ODAD4: variants seen among roughly 807,000 people sequenced by gnomAD.
The protein encoded by ODAD4 is outer dynein arm-docking complex subunit 4.
In ODAD4, 49 loss-of-function variants were observed where a neutral mutation model predicts 51.8. The ratio of observed to expected loss-of-function variants is 0.95; its 90% CI spans 0.75 to 1.20. The LOEUF (loss-of-function observed/expected upper bound fraction) is 1.20. ODAD4 is among the 50% of genes most tolerant of loss of function. The pLI is 0.00. For synonymous variants in ODAD4, 235 were observed against 221.3 expected (o/e 1.06, Z -0.55); for missense variants, 590 against 586.5 (o/e 1.01, Z -0.06).
chr17:41,952,225 G>A (rs782464073), intron 9 of ODAD4, among the ~76,000 whole-genome samples: 56 of 151,594 alleles, frequency 3.7e-4, no homozygotes, highest in Middle Eastern at 3.4e-3. Context: ...AAAATTAGCC[G>A]GGCGTGGTGG....
intron 7 of ODAD4, among the ~76,000 whole-genome samples, chr17:41,944,444 A>ACACACACACACACACACCC (rs1191101800): frequency 7.2e-4 from 14 of 19,554 alleles, no homozygotes; most frequent in South Asian, 4.2e-3. Flanking sequence ...ACACACACAC[A>ACACACACACACACACACCC]CCCCCCCGCA....
At position 41,938,690 on chromosome 17, in the gene ODAD4, G is replaced by A. The variant is rs782178400; in HGVS notation, c.759G>A (p.Lys253=). 6.2e-7 allele frequency: 1 copy of A among 1,613,970 alleles called. No homozygotes were observed. The highest frequency in any genetic ancestry group is 2.2e-5 in the East Asian group (1 of 44,878). The stretch of plus-strand genomic sequence containing the variant: ...TCTACGCCAGGGAGCGGGACCGGAA[G>A]CTGATGCAAGAGAAATGGCTGCGGG... ...KPIYARERDR[K]LMQEKWLRDH... The change falls in exon 6 of 12, where the codon AAG becomes AAA. Residue 253 remains lysine, a synonymous_variant. Transcript: ENST00000377540.
intron 9 of ODAD4, among the ~76,000 whole-genome samples, chr17:41,954,799 G>T (rs1210244052): frequency 1.3e-5 from 2 of 149,898 alleles, no homozygotes. Context: ...GCAGTGAGCC[G>T]AGATTGCCCC....
chr17:41,965,219 G>A lies in ODAD4; in HGVS notation c.1755G>A (p.Leu585=), dbSNP rs936047739. ...RSDLGAVAKG[L]SGELGTRSGE... ...ATTTGGGAGCAGTTGCCAAGGGCCT[G>A]TCAGGAGAATTAGGCACAAGATCAG... is the stretch of plus-strand genomic sequence containing the variant. The change falls in exon 12 of 12, where the codon CTG becomes CTA. Residue 585 remains leucine (L), a synonymous_variant. Transcript: ENST00000377540. The A allele has an allele frequency of 1.3e-6, 1 of 775,522 alleles. No homozygotes were observed. The highest frequency in any genetic ancestry group is 1.4e-5 in the South Asian group (1 of 73,578). 48.0% of individuals were successfully genotyped at this position (775,522 alleles called of 1,614,324 possible). A position where few individuals can be genotyped will look rare whatever the true frequency, so the allele number is the denominator to read the frequency against.
intron 9 of ODAD4, among the ~76,000 whole-genome samples, chr17:41,952,261 G>A (rs559144000): frequency 2.0e-5 from 3 of 151,588 alleles, no homozygotes; most frequent in African/African-American, 4.8e-5. Context: ...CAAGCTGCTC[G>A]GGAGGCTGAG....
intron 11 of ODAD4, 44 bp downstream of exon 11, chr17:41,961,510 TC>T: frequency 1.4e-6 from 1 of 717,834 alleles, no homozygotes; most frequent in South Asian, 1.5e-5. Flanking sequence ...GCATTCTCCC[TC>T]TGCTTTCTTT....
chr17:41,931,019 A>G (rs1227204345), intron 1 of ODAD4, among the ~76,000 whole-genome samples, 182 bp downstream of exon 1: 1 of 144,222 alleles, frequency 6.9e-6, no homozygotes, highest in Non-Finnish European at 1.5e-5. Flanking sequence ...TCCACCTCCC[A>G]AGTAGCTGGG....
chr17:41,943,846 A>T (rs1012815959), intron 7 of ODAD4, among the ~76,000 whole-genome samples: 12 of 152,104 alleles, frequency 7.9e-5, no homozygotes, highest in African/African-American at 2.9e-4. Context: ...AGTCAGGAGG[A>T]TCCCTTGAGC....
intron 9 of ODAD4, among the ~76,000 whole-genome samples, chr17:41,950,601 C>G (rs1190959691): frequency 3.3e-5 from 5 of 152,088 alleles, no homozygotes; most frequent in African/African-American, 7.2e-5. Flanking sequence ...GTTTCAAACT[C>G]CTGGCCTCAA....
intron 10 of ODAD4, among the ~76,000 whole-genome samples, chr17:41,958,641 A>G (rs1309278301): frequency 1.3e-5 from 2 of 149,576 alleles, no homozygotes; most frequent in East Asian, 4.0e-4. Flanking sequence ...AGCCTAGGCA[A>G]CAGAGCGAAA....
intron 9 of ODAD4, among the ~76,000 whole-genome samples, chr17:41,953,741 C>T (rs546726748): frequency 6.9e-4 from 105 of 152,066 alleles, no homozygotes; most frequent in Non-Finnish European, 1.3e-3. Context: ...AATCTGGGCT[C>T]ACTGCAACAT....
chr17:41,959,234 T>A (rs2050773553), intron 10 of ODAD4, among the ~76,000 whole-genome samples: 2 of 152,030 alleles, frequency 1.3e-5, no homozygotes, highest in Non-Finnish European at 2.9e-5. Context: ...GCACACCAAC[T>A]TCACAGGTGC....
At chr17:41,932,797 T>C (rs2050368682) in intron 1 of ODAD4, among the ~76,000 whole-genome samples, 1 of 149,268 alleles carries the variant, frequency 6.7e-6, no homozygotes, top group Non-Finnish European at 1.5e-5. Context: ...ACACTTGAGC[T>C]CAAGTAATAC....
intron 5 of ODAD4, 186 bp downstream of exon 5, chr17:41,937,113 T>C (rs1361836794): frequency 1.5e-6 from 1 of 660,980 alleles, no homozygotes; most frequent in Non-Finnish European, 2.5e-6. Context: ...ACTAAGGTCA[T>C]ATATAGGTAG....
intron 5 of ODAD4, among the ~76,000 whole-genome samples, chr17:41,938,070 T>TA (rs2050452094): frequency 6.6e-6 from 1 of 152,218 alleles, no homozygotes; most frequent in African/African-American, 2.4e-5. Flanking sequence ...GCTTGAATAT[T>TA]ACCTCAAGTG....
intron 11 of ODAD4, among the ~76,000 whole-genome samples, chr17:41,962,357 A>C (rs2144544778): frequency 1.3e-5 from 2 of 152,256 alleles, no homozygotes; most frequent in East Asian, 1.9e-4. Context: ...ATTCTTTCTC[A>C]CAAGGTCTCC....
rs1555637936 is a variant in ODAD4, at chr17:41,936,908, G to A, written c.606G>A (p.Glu202=). 6.2e-7 allele frequency: 1 copy of A among 1,613,956 alleles called. No homozygotes were observed. Among genetic ancestry groups the A allele is most frequent in the South Asian group, 1.1e-5 (1 of 91,084 alleles). The change falls in exon 5 of 12, where the codon GAG becomes GAA. Residue 202 remains glutamate, a synonymous_variant. Transcript: ENST00000377540. ...TCTACGTGGACAAAGAGTATTTGGA[G>A]AAGCTCCTATTGGATGAAGGTTTCG... is the stretch of plus-strand genomic sequence containing the variant. ...GELYVDKEYL[E]KLLLDEDLIK...
chr17:41,943,726 T>C (rs1309588461), intron 7 of ODAD4, among the ~76,000 whole-genome samples: 2 of 152,110 alleles, frequency 1.3e-5, no homozygotes, highest in Non-Finnish European at 1.5e-5. Context: ...AGGCCTGACA[T>C]GGGAGGCTTA....
intron 11 of ODAD4, among the ~76,000 whole-genome samples, chr17:41,964,666 A>G (rs1418117034): frequency 6.6e-6 from 1 of 151,334 alleles, no homozygotes; most frequent in Non-Finnish European, 1.5e-5. Context: ...TTTTTTGGAG[A>G]CGGGTCTTGC....
Sources: gnomAD v4.1 joint callset for allele counts (sites outside exome capture counted in the v4.1 genomes callset) on GRCh38, gnomAD v4.1.1 for gene constraint, MANE v1.5 for transcripts, NCBI Gene and HGNC (gene_info 2026-07-23, HGNC 2026-07-21) for gene names.